The following ZAP70 variants were observed in gnomAD, a reference collection of about 807,000 sequenced individuals.
The protein encoded by ZAP70 is zeta chain of T cell receptor associated protein kinase 70.
Under a neutral mutation model 65.8 loss-of-function variants are expected in ZAP70, and 27 were observed. That is an observed-to-expected ratio of 0.41 (90% CI 0.30 to 0.57). The LOEUF is 0.57. ZAP70 is among the 20% of genes least tolerant of loss of function. The pLI is 0.28. For missense variants in ZAP70, 696 were observed against 870.5 expected, an observed-to-expected ratio of 0.80 and a Z score of 2.52; for synonymous variants, 363 against 360.8, an observed-to-expected ratio of 1.01 and a Z score of -0.07.
intron 2 of ZAP70, among the ~76,000 whole-genome samples, chr2:97,717,258 G>C (rs1430838972): frequency 6.6e-6 from 1 of 152,052 alleles, no homozygotes; most frequent in African/African-American, 2.4e-5. Flanking sequence ...GTGGTGGGGG[G>C]GCAGTAGGAG....
At chr2:97,742,969 T>G (rs1678165900), downstream of ZAP70, among the ~76,000 whole-genome samples, 1 of 152,180 alleles carries the variant, frequency 6.6e-6, no homozygotes, top group Non-Finnish European at 1.5e-5. Flanking sequence ...GGTTGTTAGC[T>G]CTCCATCTTG....
In ZAP70 at chr2:97,735,465, C is replaced by CGGGTGGGCCCGGCCATCGGGT. The variant is rs1677833283; in HGVS notation, c.1289+17_1289+37dup. 1 of 1,530,390 alleles carries CGGGTGGGCCCGGCCATCGGGT rather than the reference C, an allele frequency of 6.5e-7. No homozygotes were observed. The highest frequency in any genetic ancestry group is 1.4e-5 in the African/African-American group (1 of 72,536). 94.8% of individuals were successfully genotyped at this position (1,530,390 alleles called of 1,614,324 possible). A position where few individuals can be genotyped will look rare whatever the true frequency, so the allele number is the denominator to read the frequency against. ...TTCCTGGTCGGCAAGAGGTGAGCAC[C>CGGGTGGGCCCGGCCATCGGGT]GGGTGGGCCCGGCCATCGGGTGGGT... is the stretch of plus-strand genomic sequence containing the variant. On this transcript the variant is annotated intron_variant, in intron 10 of 13. Coordinates refer to ENST00000264972, the MANE Select transcript of ZAP70 (RefSeq NM_001079.4).
intron 2 of ZAP70, among the ~76,000 whole-genome samples, chr2:97,716,016 A>G (rs1278698363): frequency 1.3e-5 from 2 of 152,014 alleles, no homozygotes; most frequent in Non-Finnish European, 2.9e-5. Flanking sequence ...ATGTGGGAGG[A>G]TGGGGACCCT....
the ZAP70 span, among the ~76,000 whole-genome samples, chr2:97,755,193 G>C: frequency 6.6e-6 from 1 of 152,144 alleles, no homozygotes; most frequent in African/African-American, 2.4e-5. Flanking sequence ...GCGTTGTGGC[G>C]TACCGAGACT....
chr2:97,724,197 T>A lies in ZAP70; in HGVS notation c.161T>A (p.Val54Glu). 6.3e-7 allele frequency: 1 copy of A among 1,599,444 alleles called. No individual in the cohort carries two copies. The highest frequency in any genetic ancestry group is 1.1e-5 in the South Asian group (1 of 89,162). The change falls in exon 3 of 14, where the codon GTG becomes GAG. Residue 54 changes from valine to glutamate, a missense_variant. Physicochemically the swap from Val to Glu is moderately radical, Grantham distance 121. This residue lies in a region of ZAP70 where 551 missense variants were observed against 630.0 expected (regional missense o/e 0.87). Coordinates refer to ENST00000264972, the MANE Select transcript of ZAP70 (RefSeq NM_001079.4). Reference protein sequence around the residue: ...GGYVLSLVHDVRFHHFPIERQ... With the variant: ...GGYVLSLVHDERFHHFPIERQ... ...TATGTGCTGTCGCTCGTGCACGATG[T>A]GCGCTTCCACCACTTTCCCATCGAG...
the ZAP70 span, among the ~76,000 whole-genome samples, chr2:97,752,032 A>G: frequency 6.6e-6 from 1 of 152,236 alleles, no homozygotes; most frequent in African/African-American, 2.4e-5. Context: ...TATCTCTGTC[A>G]TTAGAAGTAA....
At chr2:97,729,767 A>C (rs927357802) in intron 4 of ZAP70, among the ~76,000 whole-genome samples, 1 of 151,934 alleles carries the variant, frequency 6.6e-6, no homozygotes, top group Non-Finnish European at 1.5e-5. Context: ...TGGTACTGAA[A>C]TATATGTGGT....
chr2:97,738,453 CA>C lies in ZAP70; in HGVS notation c.1736+347del, dbSNP rs558575623. The C allele has an allele frequency of 2.3e-4, 88 of 376,492 alleles. 1 individual carries two copies. The highest frequency in any genetic ancestry group is 1.7e-3 in the African/African-American group (83 of 48,134). The allele number at this position is 376,492 out of a possible 1,614,324, so 23.3% of individuals were successfully genotyped here. The stretch of plus-strand genomic sequence containing the variant: ...ACACTCAGGGCATGAGATGATTCTC[CA>C]GTACCCAACACTCCAGTCCCCACCA... On this transcript the variant is annotated intron_variant, in intron 13 of 13. Transcript: ENST00000264972.
intron 2 of ZAP70, among the ~76,000 whole-genome samples, chr2:97,714,712 C>G (rs1327590667): frequency 6.6e-6 from 1 of 152,194 alleles, no homozygotes; most frequent in African/African-American, 2.4e-5. Context: ...TTGGTTGGAA[C>G]AGTAGGCAGA....
At chr2:97,733,909 C>T in intron 8 of ZAP70, 1 of 499,450 alleles carries the variant, frequency 2.0e-6, no homozygotes. Flanking sequence ...CCGAACCCTC[C>T]TGACATGCCT....
chr2:97,726,101 C>T (rs953031426), intron 4 of ZAP70, among the ~76,000 whole-genome samples: 12 of 152,074 alleles, frequency 7.9e-5, no homozygotes, highest in East Asian at 1.9e-4. Flanking sequence ...TGAATTAATA[C>T]GTGTGAATCG....
chr2:97,744,430 TG>T (rs1678201040), downstream of ZAP70, among the ~76,000 whole-genome samples: 1 of 152,228 alleles, frequency 6.6e-6, no homozygotes, highest in Non-Finnish European at 1.5e-5. Flanking sequence ...TACTTAACCT[TG>T]GGGAGCTTCA....
downstream of ZAP70, among the ~76,000 whole-genome samples, chr2:97,742,816 G>T (rs966551867): frequency 1.1e-4 from 16 of 152,192 alleles, no homozygotes; most frequent in African/African-American, 4.8e-5. Context: ...AGGCTCTGAG[G>T]ACTTGGTTTA....
At chr2:97,714,819 T>TTTCCTC (rs1676842911) in intron 2 of ZAP70, among the ~76,000 whole-genome samples, 1 of 152,196 alleles carries the variant, frequency 6.6e-6, no homozygotes, top group Non-Finnish European at 1.5e-5. Flanking sequence ...AGAGCTTCCT[T>TTTCCTC]TTCCTCTTCA....
Position 97,734,321 on chromosome 2 carries a change from TGGG to T in ZAP70, c.890-197_890-195del, listed in dbSNP as rs547056703. ...TAGAGTCCACCCTCATGTGGCTTCA[TGGG>T]GCACCCACAGCTGTGGCCAGGAGTG... On this transcript the variant is annotated intron_variant, in intron 8 of 13. Transcript: ENST00000264972. 361 of 1,408,242 alleles carry T rather than the reference TGGG, an allele frequency of 2.6e-4. No individual in the cohort carries two copies. The African/African-American group carries it at 4.8e-3, about 19-fold the overall frequency. 87.2% of individuals were successfully genotyped at this position (1,408,242 alleles called of 1,614,324 possible). A position where few individuals can be genotyped will look rare whatever the true frequency, so the allele number is the denominator to read the frequency against.
chr2:97,736,990 G>T lies in ZAP70; in HGVS notation c.1290-483G>T, dbSNP rs1677916296. 6.6e-6 allele frequency among the ~76,000 whole-genome samples: 1 copy of T among 152,146 alleles called. No individual in the cohort carries two copies. Among genetic ancestry groups the T allele is most frequent in the African/African-American group, 2.4e-5 (1 of 41,418 alleles). On this transcript the variant is annotated intron_variant, in intron 10 of 13. Coordinates refer to ENST00000264972, the MANE Select transcript of ZAP70 (RefSeq NM_001079.4). This position sits in a 1 kb window ranked among gnomAD's most constrained non-coding sequence, Gnocchi z 4.0. ...CTGCCTGGGGGTCCAGGTGAGTGAT[G>T]CTGCGGCTGCTTCCCGGTGGCAGAG...
intron 8 of ZAP70, 106 bp from the exon 9 acceptor site, chr2:97,734,414 C>G (rs1254026978): frequency 1.4e-6 from 2 of 1,469,534 alleles, no homozygotes; most frequent in Non-Finnish European, 1.8e-6. Flanking sequence ...TGTGCATGCT[C>G]CAGGGACGGC....
rs547991369 is a variant in ZAP70, at chr2:97,729,753, C to T, written c.564-3130C>T. On this transcript the variant is annotated intron_variant, in intron 4 of 13. Transcript: ENST00000264972. Reference sequence around the variant, plus strand: ...TTTTTTTTTTGTAAATCAAGTAGAACTTATGGTACTGAAATATATGTGGTG... The same window carrying T: ...TTTTTTTTTTGTAAATCAAGTAGAATTTATGGTACTGAAATATATGTGGTG... Among the ~76,000 whole-genome samples the T allele has an allele frequency of 8.1e-5, 12 of 147,428 alleles. No individual in the cohort carries two copies. In the East Asian group the frequency reaches 1.4e-3, roughly 17 times the overall value.
intron 4 of ZAP70, among the ~76,000 whole-genome samples, chr2:97,726,611 G>A (rs757108845): frequency 2.0e-5 from 3 of 152,260 alleles, no homozygotes; most frequent in Admixed American, 6.5e-5. Flanking sequence ...TGAAGTTTCT[G>A]TAGATTGCCT....
Sources: allele counts gnomAD v4.1 joint callset (sites outside exome capture counted in the v4.1 genomes callset), GRCh38; gene constraint gnomAD v4.1.1; regional missense constraint gnomAD v4.1.1; non-coding constraint Gnocchi (gnomAD v3.1); transcripts MANE v1.5; gene names NCBI Gene and HGNC (gene_info 2026-07-23, HGNC 2026-07-21).